The following SFSWAP variants were observed in gnomAD, a reference collection of about 807,000 sequenced individuals.
The protein encoded by SFSWAP is splicing factor, suppressor of white-apricot homolog.
A neutral mutation model predicts 100.7 loss-of-function variants in SFSWAP; 17 were observed. The observed-to-expected ratio is 0.17, with a 90% CI of 0.12 to 0.25. The LOEUF (loss-of-function observed/expected upper bound fraction) is 0.25, where lower values mean the gene tolerates loss of function less well. SFSWAP is among the 10% of genes least tolerant of loss of function. The pLI, the probability that SFSWAP is intolerant of heterozygous loss-of-function variation, is 1.00. For missense variants in SFSWAP, 1,005 were observed against 1,262.6 expected, an observed-to-expected ratio of 0.80 and a Z score of 3.09; for synonymous variants, 504 against 510.1, an observed-to-expected ratio of 0.99 and a Z score of 0.16.
chr12:131,721,306 T>TTTCTA (rs1878457992), intron 4 of SFSWAP, among the ~76,000 whole-genome samples: 1 of 152,216 alleles, frequency 6.6e-6, no homozygotes, highest in Non-Finnish European at 1.5e-5. Flanking sequence ...TTACTACATA[T>TTTCTA]GTTTGTTTCT....
At chr12:131,729,125 C>T (rs144923600) in intron 7 of SFSWAP, among the ~76,000 whole-genome samples, 1 of 152,190 alleles carries the variant, frequency 6.6e-6, no homozygotes, top group Non-Finnish European at 1.5e-5. Context: ...AAACACGTTG[C>T]TGCCCTAAAC....
intron 14 of SFSWAP, among the ~76,000 whole-genome samples, chr12:131,780,418 A>C (rs1884405348): frequency 6.6e-6 from 1 of 152,244 alleles, no homozygotes; most frequent in Non-Finnish European, 1.5e-5. Context: ...TGGGAAGCCA[A>C]GATGAGAGGA....
At chr12:131,748,361 T>G in intron 7 of SFSWAP, among the ~76,000 whole-genome samples, 1 of 152,302 alleles carries the variant, frequency 6.6e-6, no homozygotes, top group Middle Eastern at 3.4e-3. Flanking sequence ...AGTTTCACCA[T>G]GTTGGCCAGG....
intron 14 of SFSWAP, chr12:131,786,029 A>G (rs565096869): frequency 6.4e-6 from 1 of 155,648 alleles, no homozygotes; most frequent in South Asian, 2.0e-4. Flanking sequence ...TGGTAGAAAC[A>G]TCAATGAGCT....
In SFSWAP at chr12:131,730,703, C is replaced by G. The variant is rs1443812308; in HGVS notation, c.1081+2275C>G. The stretch of plus-strand genomic sequence containing the variant: ...TCCCGAGACCACTGATAAGCCGTGA[C>G]AGCCTCTGCAGGAACCCTAAGCTTA... On this transcript the variant is annotated intron_variant, in intron 7 of 17. Transcript: ENST00000261674. This position sits in a 1 kb window ranked among gnomAD's most constrained non-coding sequence, Gnocchi z 4.0. 6.6e-6 allele frequency among the ~76,000 whole-genome samples: 1 copy of G among 152,174 alleles called. No homozygotes were observed. Among genetic ancestry groups the G allele is most frequent in the Non-Finnish European group, 1.5e-5 (1 of 68,012 alleles).
At chr12:131,789,345 C>T (rs1357033107) in intron 15 of SFSWAP, among the ~76,000 whole-genome samples, 3 of 152,230 alleles carry the variant, frequency 2.0e-5, no homozygotes, top group African/African-American at 4.8e-5. Flanking sequence ...ACTTTTTTAA[C>T]TTATAGGCAA....
intron 6 of SFSWAP, among the ~76,000 whole-genome samples, chr12:131,727,649 A>T (rs1407765192): frequency 6.6e-6 from 1 of 152,202 alleles, no homozygotes; most frequent in Non-Finnish European, 1.5e-5. Context: ...AAAAAGAAAA[A>T]AAAATTGTTT....
chr12:131,778,678 T>C lies in SFSWAP; in HGVS notation c.2408+348T>C, dbSNP rs545588205. Among the ~76,000 whole-genome samples the C allele has an allele frequency of 2.6e-5, 4 of 152,128 alleles. No homozygotes were observed. Among genetic ancestry groups the C allele is most frequent in the Admixed American group, 2.6e-4 (4 of 15,280 alleles). On this transcript the variant is annotated intron_variant, in intron 14 of 17. Transcript: ENST00000261674. The surrounding 1 kb of genome is among the most constrained non-coding windows in gnomAD (Gnocchi z 4.2). ...GATTACAGGTGCCCACCACCACGCCTGGCTAATTTTTGTATTTTTAGTAGA... is the reference window on the plus strand; with the variant it reads ...GATTACAGGTGCCCACCACCACGCCCGGCTAATTTTTGTATTTTTAGTAGA...
chr12:131,765,176 C>A (rs571189885), intron 12 of SFSWAP, among the ~76,000 whole-genome samples: 1 of 152,384 alleles, frequency 6.6e-6, no homozygotes, highest in African/African-American at 2.4e-5. Flanking sequence ...CCCACCCCAA[C>A]ACTGCTGGCA....
chr12:131,732,195 C>A (rs904693579), intron 7 of SFSWAP, among the ~76,000 whole-genome samples: 4 of 152,134 alleles, frequency 2.6e-5, no homozygotes, highest in African/African-American at 9.7e-5. Flanking sequence ...CAGGCTGAGC[C>A]ACCGCACCCA....
chr12:131,713,022 A>T (rs1306883772), intron 1 of SFSWAP: 3 of 152,214 alleles, frequency 2.0e-5, no homozygotes, highest in African/African-American at 4.8e-5. Context: ...ATTTAATGAA[A>T]TGCAGTAACT....
rs1879724926 is a variant in SFSWAP, at chr12:131,733,681, G to A, written c.1081+5253G>A. On this transcript the variant is annotated intron_variant, in intron 7 of 17. Transcript: ENST00000261674. The surrounding 1 kb of genome is among the most constrained non-coding windows in gnomAD (Gnocchi z 5.1). ...ATCTGTGACAGCCCGGAAGGAAACA[G>A]CAGTCCATACAGTCCCCTCAGGACA... Among the ~76,000 whole-genome samples the A allele has an allele frequency of 6.6e-6, 1 of 152,084 alleles. No homozygotes were observed. The highest frequency in any genetic ancestry group is 2.4e-5 in the African/African-American group (1 of 41,432).
At chr12:131,756,293 G>C (rs1882150738) in intron 10 of SFSWAP, among the ~76,000 whole-genome samples, 180 bp from the exon 11 acceptor site, 1 of 152,208 alleles carries the variant, frequency 6.6e-6, no homozygotes, top group Non-Finnish European at 1.5e-5. Flanking sequence ...ATTCCTCTTT[G>C]ATACATTCCA....
chr12:131,756,385 A>G, intron 10 of SFSWAP, 88 bp from the exon 11 acceptor site: 2 of 1,143,750 alleles, frequency 1.7e-6, no homozygotes, highest in Non-Finnish European at 2.5e-6. Flanking sequence ...GCCGTTGTCC[A>G]GTGAAACATA....
In SFSWAP at chr12:131,763,879, C is replaced by T. The variant is rs369685020; in HGVS notation, c.1721-577C>T. Among the ~76,000 whole-genome samples, 3 of 151,346 alleles carry T rather than the reference C, an allele frequency of 2.0e-5. No homozygotes were observed. In the East Asian group the frequency reaches 5.8e-4, roughly 29 times the overall value. ...CAGTGGCTCACGTCTATAATCCCAG[C>T]ACTTTGGGAGGCCGAGGCAGGCGGA... On this transcript the variant is annotated intron_variant, in intron 11 of 17. Transcript: ENST00000261674.
chr12:131,716,435 G>A (rs974447655), intron 3 of SFSWAP, among the ~76,000 whole-genome samples: 3 of 152,146 alleles, frequency 2.0e-5, no homozygotes, highest in Non-Finnish European at 2.9e-5. Flanking sequence ...CTCCTTCCTC[G>A]GGTTCTGGAT....
intron 14 of SFSWAP, chr12:131,785,238 T>C (rs1884808575): frequency 7.5e-7 from 1 of 1,329,276 alleles, no homozygotes; most frequent in Middle Eastern, 2.0e-4. Flanking sequence ...GGTGTCTAAC[T>C]GACCTCGCCT....
intron 8 of SFSWAP, chr12:131,753,622 C>G (rs978601712): frequency 1.3e-5 from 7 of 526,296 alleles, no homozygotes; most frequent in Non-Finnish European, 2.4e-5. Flanking sequence ...CCCCAGATCT[C>G]CAGCATCTGT....
intron 13 of SFSWAP, among the ~76,000 whole-genome samples, chr12:131,771,519 G>A (rs1246955189): frequency 1.3e-5 from 2 of 152,170 alleles, no homozygotes; most frequent in Non-Finnish European, 2.9e-5. Context: ...ATTTGCCCCC[G>A]TAGGGTGTGC....
Sources: gnomAD v4.1 joint callset for allele counts (sites outside exome capture counted in the v4.1 genomes callset) on GRCh38, gnomAD v4.1.1 for gene constraint, Gnocchi (gnomAD v3.1) non-coding constraint, MANE v1.5 for transcripts, NCBI Gene and HGNC (gene_info 2026-07-23, HGNC 2026-07-21) for gene names.